Variants in MARCHF1 observed in about 807,000 individuals in gnomAD.
MARCHF1 encodes membrane associated ring-CH-type finger 1.
A neutral mutation model predicts 54.2 loss-of-function variants in MARCHF1; 40 were observed. The ratio of observed to expected loss-of-function variants is 0.74; its 90% CI spans 0.57 to 0.96. MARCHF1 has a LOEUF of 0.96. MARCHF1 is among the 40% of genes least tolerant of loss of function. MARCHF1 has a pLI of 0.00. For missense variants in MARCHF1, 586 were observed against 656.5 expected (o/e 0.89, Z 1.17); for synonymous variants, 236 against 236.3 (o/e 1.00, Z 0.01).
chr4:164,197,530 G>C, intron 1 of MARCHF1: 1 of 1,613,412 alleles, frequency 6.2e-7, no homozygotes, highest in Non-Finnish European at 8.5e-7. Flanking sequence ...CTTTAACTTT[G>C]GTAAGTCTGA....
intron 5 of MARCHF1, among the ~76,000 whole-genome samples, chr4:163,639,024 A>T (rs1448653509): frequency 6.6e-6 from 1 of 152,036 alleles, no homozygotes; most frequent in East Asian, 1.9e-4. Flanking sequence ...GTTCCCAGAG[A>T]CTGGAGGGCA....
At chr4:164,048,687 G>A (rs1040923636) in intron 2 of MARCHF1, among the ~76,000 whole-genome samples, 3 of 151,992 alleles carry the variant, frequency 2.0e-5, no homozygotes, top group African/African-American at 4.8e-5. Flanking sequence ...TTGTGGCAAC[G>A]TTTCCTTGGA....
chr4:163,638,255 TAA>T (rs77300323), intron 5 of MARCHF1, among the ~76,000 whole-genome samples: 4 of 139,652 alleles, frequency 2.9e-5, no homozygotes, highest in Non-Finnish European at 4.8e-5. Context: ...AAAAAAAAAT[TAA>T]AAAAAAAAAA....
intron 3 of MARCHF1, among the ~76,000 whole-genome samples, chr4:163,945,224 G>C (rs924139544): frequency 6.6e-6 from 1 of 152,026 alleles, no homozygotes; most frequent in African/African-American, 2.4e-5. Context: ...CCTGGTTGTT[G>C]GCCAGACATG....
chr4:164,114,970 A>G (rs1484935973), intron 1 of MARCHF1, among the ~76,000 whole-genome samples: 1 of 152,030 alleles, frequency 6.6e-6, no homozygotes, highest in African/African-American at 2.4e-5. Flanking sequence ...AGAATCATCA[A>G]ATGAAATGTG....
intron 5 of MARCHF1, among the ~76,000 whole-genome samples, chr4:163,685,877 A>C (rs1744254810): frequency 1.3e-5 from 2 of 152,198 alleles, no homozygotes; most frequent in Admixed American, 6.5e-5. Context: ...AGGATTATGG[A>C]GGTGGTTTGG....
At chr4:163,553,032 CAA>C (rs778572383) in intron 8 of MARCHF1, among the ~76,000 whole-genome samples, 4 of 64,402 alleles carry the variant, frequency 6.2e-5, no homozygotes, top group Admixed American at 1.5e-4. Context: ...GACTCCGTCT[CAA>C]AAAAAAAAAA....
intron 1 of MARCHF1, among the ~76,000 whole-genome samples, chr4:164,335,908 ATT>A (rs1729727831): frequency 6.6e-6 from 1 of 152,136 alleles, no homozygotes; most frequent in Admixed American, 6.6e-5. Context: ...GAATATATGT[ATT>A]CTTCCAGTAA....
intron 4 of MARCHF1, among the ~76,000 whole-genome samples, chr4:163,727,834 G>A (rs1051848021): frequency 2.0e-5 from 3 of 151,408 alleles, no homozygotes; most frequent in Non-Finnish European, 2.9e-5. Context: ...CACCATGCTC[G>A]GGTATTTTTA....
rs1397383467 is a variant in MARCHF1, at chr4:164,143,340, C to A, written c.-322-31678G>T. ...CAGAGAACGCCACAAAGATACTCCT[C>A]GAGAAGAGCAACTCCAAGACACATA... On this transcript the variant is annotated intron_variant, in intron 1 of 9. Coordinates refer to ENST00000514618, the MANE Select transcript of MARCHF1 (RefSeq NM_001394959.1). Among the ~76,000 whole-genome samples the A allele has an allele frequency of 3.6e-4, 52 of 142,920 alleles. 1 individual carries two copies. Among genetic ancestry groups the A allele is most frequent in the Non-Finnish European group, 1.4e-4 (9 of 65,276 alleles). 93.8% of individuals were successfully genotyped at this position (142,920 alleles called of 152,430 possible). A position where few individuals can be genotyped will look rare whatever the true frequency, so the allele number is the denominator to read the frequency against.
chr4:163,666,552 C>T (rs1177641811), intron 5 of MARCHF1, among the ~76,000 whole-genome samples: 1 of 152,080 alleles, frequency 6.6e-6, no homozygotes. Context: ...TATAAAACAA[C>T]CATTTTAAAT....
chr4:163,610,352 C>T (rs1381906482), intron 7 of MARCHF1, among the ~76,000 whole-genome samples: 2 of 152,018 alleles, frequency 1.3e-5, no homozygotes, highest in African/African-American at 4.8e-5. Flanking sequence ...ATGGTAATCT[C>T]TAGCAGGAAA....
At chr4:164,176,978 C>CTATATATATA (rs1225209896) in intron 1 of MARCHF1, among the ~76,000 whole-genome samples, 10 of 38,876 alleles carry the variant, frequency 2.6e-4, no homozygotes, top group African/African-American at 7.7e-4. Flanking sequence ...CTCTCTCTCT[C>CTATATATATA]TCTATATATA....
At chr4:163,536,866 C>T (rs1436643283) in intron 9 of MARCHF1, among the ~76,000 whole-genome samples, 1 of 152,078 alleles carries the variant, frequency 6.6e-6, no homozygotes, top group Non-Finnish European at 1.5e-5. Flanking sequence ...CCACACCATC[C>T]TTCAATATGT....
intron 2 of MARCHF1, among the ~76,000 whole-genome samples, chr4:164,063,744 A>C (rs1332603419): frequency 6.6e-6 from 1 of 152,350 alleles, no homozygotes; most frequent in Middle Eastern, 3.4e-3. Flanking sequence ...GCACTTGTGC[A>C]TTCTATATAC....
At chr4:164,017,837 A>AC (rs386402128) in intron 2 of MARCHF1, among the ~76,000 whole-genome samples, 1 of 2,544 alleles carries the variant, frequency 3.9e-4, no homozygotes, top group Non-Finnish European at 6.6e-3. Flanking sequence ...CTAAATTAGC[A>AC]AAAAAAAAAA....
intron 7 of MARCHF1, among the ~76,000 whole-genome samples, chr4:163,606,366 T>C (rs1056560116): frequency 3.9e-5 from 6 of 152,094 alleles, no homozygotes; most frequent in African/African-American, 1.4e-4. Context: ...CTGAGTATTG[T>C]GGAGGGCACA....
intron 2 of MARCHF1, among the ~76,000 whole-genome samples, chr4:164,070,871 A>G (rs75027599): frequency 0.045 from 6,911 of 152,222 alleles, 374 homozygotes; most frequent in African/African-American, 0.13. Context: ...GAAGTCCCAC[A>G]AGTTGTGGGA....
chr4:163,558,348 C>T (rs1204381906), intron 8 of MARCHF1, among the ~76,000 whole-genome samples: 1 of 152,150 alleles, frequency 6.6e-6, no homozygotes, highest in Non-Finnish European at 1.5e-5. Context: ...ACAAGGGACA[C>T]AAATGTAAGC....
Sources: allele counts gnomAD v4.1 joint callset (sites outside exome capture counted in the v4.1 genomes callset), GRCh38; gene constraint gnomAD v4.1.1; transcripts MANE v1.5; gene names NCBI Gene and HGNC (gene_info 2026-07-23, HGNC 2026-07-21).